The following CAMKMT variants were observed in gnomAD, a reference collection of about 807,000 sequenced individuals.
The protein encoded by CAMKMT is CaM KMT.
CAMKMT carries 53 observed loss-of-function variants against 48.0 expected under a neutral mutation model. The observed-to-expected ratio is 1.10, with a 90% CI of 0.89 to 1.39. The LOEUF is 1.39. Among genes scored for constraint, CAMKMT ranks in the 40% most tolerant of loss-of-function variants. The pLI is 0.00. For synonymous variants in CAMKMT, 165 were observed against 152.3 expected, an observed-to-expected ratio of 1.08 and a Z score of -0.61; for missense variants, 428 against 402.7, an observed-to-expected ratio of 1.06 and a Z score of -0.54.
At chr2:44,374,450 G>C (rs1030831854) in intron 2 of CAMKMT, among the ~76,000 whole-genome samples, 10 of 152,202 alleles carry the variant, frequency 6.6e-5, no homozygotes, top group Admixed American at 3.3e-4. Flanking sequence ...TCCAGTAGGG[G>C]TCTTTAGGTA....
At chr2:44,546,990 GGTAA>G (rs1667445359) in intron 3 of CAMKMT, among the ~76,000 whole-genome samples, 1 of 152,088 alleles carries the variant, frequency 6.6e-6, no homozygotes, top group Non-Finnish European at 1.5e-5. Flanking sequence ...AAATCCTAAG[GGTAA>G]GTGAGTATAA....
intron 10 of CAMKMT, among the ~76,000 whole-genome samples, chr2:44,768,697 G>A (rs1041376177): frequency 4.6e-5 from 7 of 152,158 alleles, no homozygotes; most frequent in South Asian, 2.1e-4. Flanking sequence ...CGCGGCCGCC[G>A]GGAGCCTCCA....
At chr2:44,504,594 G>A (rs1670168216) in intron 3 of CAMKMT, among the ~76,000 whole-genome samples, 1 of 151,974 alleles carries the variant, frequency 6.6e-6, no homozygotes, top group Non-Finnish European at 1.5e-5. Flanking sequence ...ATTGAGGTGG[G>A]GCCTTTTAGT....
At chr2:44,726,269 C>T (rs1411740742) in intron 7 of CAMKMT, among the ~76,000 whole-genome samples, 1 of 152,192 alleles carries the variant, frequency 6.6e-6, no homozygotes, top group East Asian at 1.9e-4. Flanking sequence ...GTTCCCTTTT[C>T]TCCACAGCCT....
chr2:44,600,618 C>G (rs1161502513), intron 3 of CAMKMT, among the ~76,000 whole-genome samples: 2 of 152,070 alleles, frequency 1.3e-5, no homozygotes, highest in Non-Finnish European at 2.9e-5. Flanking sequence ...TTTGCACTTT[C>G]ATATTTAGGT....
chr2:44,520,788 G>C (rs866649419), intron 3 of CAMKMT, among the ~76,000 whole-genome samples: 2 of 152,164 alleles, frequency 1.3e-5, no homozygotes, highest in African/African-American at 2.4e-5. Flanking sequence ...ATTGGATCAT[G>C]GGGGCAGTTC....
chr2:44,476,269 A>C (rs1403308302), intron 3 of CAMKMT, among the ~76,000 whole-genome samples: 1 of 149,902 alleles, frequency 6.7e-6, no homozygotes, highest in Non-Finnish European at 1.5e-5. Flanking sequence ...ATGTGGTTGG[A>C]AAAAAAAAAG....
chr2:44,364,042 T>A lies in CAMKMT; in HGVS notation c.138+1897T>A, dbSNP rs1392839040. Among the ~76,000 whole-genome samples, 123 of 116,822 alleles carry A rather than the reference T, an allele frequency of 1.1e-3. 1 individual carries two copies. Among genetic ancestry groups the A allele is most frequent in the African/African-American group, 4.0e-3 (118 of 29,734 alleles). 76.6% of individuals were successfully genotyped at this position (116,822 alleles called of 152,430 possible). On this transcript the variant is annotated intron_variant, in intron 1 of 10. Coordinates refer to ENST00000378494, the MANE Select transcript of CAMKMT (RefSeq NM_024766.5). Reference sequence around the variant, plus strand: ...TTTTTTTTTTTTTTTTTAAATAAGATAGAGTCTTGCTTGTTGCCCAGGCAG... The same window carrying A: ...TTTTTTTTTTTTTTTTTAAATAAGAAAGAGTCTTGCTTGTTGCCCAGGCAG...
At chr2:44,723,478 C>A (rs1489342766) in intron 7 of CAMKMT, among the ~76,000 whole-genome samples, 1 of 151,862 alleles carries the variant, frequency 6.6e-6, no homozygotes, top group Non-Finnish European at 1.5e-5. Context: ...GTAATCCGAG[C>A]TACTTGGGAG....
chr2:44,724,010 AGGG>A (rs1323392920), intron 7 of CAMKMT, among the ~76,000 whole-genome samples: 2 of 152,202 alleles, frequency 1.3e-5, no homozygotes, highest in Non-Finnish European at 2.9e-5. Flanking sequence ...CTCTGAGATA[AGGG>A]AAGTGTTCTT....
At chr2:44,451,251 A>T (rs1428338335) in intron 3 of CAMKMT, among the ~76,000 whole-genome samples, 2 of 152,070 alleles carry the variant, frequency 1.3e-5, no homozygotes, top group Non-Finnish European at 2.9e-5. Context: ...GTTGTATTAG[A>T]GGTTTGAAGT....
At chr2:44,734,167 G>C (rs528499445) in intron 7 of CAMKMT, among the ~76,000 whole-genome samples, 2 of 150,484 alleles carry the variant, frequency 1.3e-5, no homozygotes, top group South Asian at 4.2e-4. Flanking sequence ...TTCACTAATT[G>C]AGACCTTTCC....
chr2:44,422,405 A>G (rs1216498110), intron 3 of CAMKMT, among the ~76,000 whole-genome samples: 1 of 152,146 alleles, frequency 6.6e-6, no homozygotes, highest in African/African-American at 2.4e-5. Flanking sequence ...AATTTGCTGA[A>G]TATTGGGCAA....
At chr2:44,549,601 A>G in intron 3 of CAMKMT, 1 of 685,664 alleles carries the variant, frequency 1.5e-6, no homozygotes, top group Non-Finnish European at 2.6e-6. Context: ...AGTGGTGATC[A>G]TAACTCAGTG....
chr2:44,550,623 A>G (rs1048547087), intron 3 of CAMKMT: 11 of 152,258 alleles, frequency 7.2e-5, no homozygotes, highest in African/African-American at 2.2e-4. Flanking sequence ...TCTTTTTTCT[A>G]TTCCATGTGG....
intron 7 of CAMKMT, among the ~76,000 whole-genome samples, chr2:44,717,451 T>A (rs1573153453): frequency 6.6e-6 from 1 of 152,176 alleles, no homozygotes; most frequent in East Asian, 1.9e-4. Context: ...GATGTAATAA[T>A]CAGTATTCTC....
intron 3 of CAMKMT, among the ~76,000 whole-genome samples, chr2:44,540,327 T>C (rs1667027488): frequency 6.6e-6 from 1 of 152,156 alleles, no homozygotes; most frequent in South Asian, 2.1e-4. Context: ...TTACCATTCT[T>C]TGTGTACTTT....
intron 3 of CAMKMT, among the ~76,000 whole-genome samples, chr2:44,433,525 C>G (rs190536215): frequency 6.6e-6 from 1 of 152,014 alleles, no homozygotes; most frequent in African/African-American, 2.4e-5. Flanking sequence ...AAGTGTCTGA[C>G]ATTATGAGAA....
At chr2:44,719,633 A>T (rs1250153031) in intron 7 of CAMKMT, among the ~76,000 whole-genome samples, 1 of 152,228 alleles carries the variant, frequency 6.6e-6, no homozygotes, top group South Asian at 2.1e-4. Context: ...TTTGAAAGAC[A>T]TGAATCCATA....
Sources: gnomAD v4.1 joint callset for allele counts (sites outside exome capture counted in the v4.1 genomes callset) on GRCh38, gnomAD v4.1.1 for gene constraint, MANE v1.5 for transcripts, NCBI Gene and HGNC (gene_info 2026-07-23, HGNC 2026-07-21) for gene names.